Variants in KIRREL3 observed in about 807,000 individuals in gnomAD.
KIRREL3 encodes kin of IRRE-like protein 3.
Under a neutral mutation model 89.7 loss-of-function variants are expected in KIRREL3, and 36 were observed. That is an observed-to-expected ratio of 0.40 (90% CI 0.31 to 0.53). The LOEUF (loss-of-function observed/expected upper bound fraction) is 0.53, where lower values mean the gene tolerates loss of function less well. Among genes scored for constraint, KIRREL3 ranks in the 20% least tolerant of loss-of-function variants. The pLI, the probability that KIRREL3 is intolerant of heterozygous loss-of-function variation, is 0.49. For missense variants in KIRREL3, 864 were observed against 1,056.6 expected (o/e 0.82, Z 2.53); for synonymous variants, 445 against 441.4 (o/e 1.01, Z -0.10).
At position 126,436,716 on chromosome 11, in the gene KIRREL3, G is replaced by A. The variant is rs542830078; in HGVS notation, c.1552+95C>T. 115 of 1,343,420 alleles carry A rather than the reference G, an allele frequency of 8.6e-5. No individual in the cohort carries two copies. The Middle Eastern group carries it at 1.8e-3, about 21-fold the overall frequency. The allele number at this position is 1,343,420 out of a possible 1,614,324, so 83.2% of individuals were successfully genotyped here. ...CACTGTGGCTTGTCCTTGGGCCCTG[G>A]CCCACCTTGCAGCCACCCGCGCCCT... On this transcript the variant is annotated intron_variant, in intron 12 of 16. Coordinates refer to ENST00000525144, the MANE Select transcript of KIRREL3 (RefSeq NM_032531.4).
At position 126,765,368 on chromosome 11, in the gene KIRREL3, T is replaced by A. The variant is rs1325150521; in HGVS notation, c.56-202456A>T. Among the ~76,000 whole-genome samples, 3 of 152,194 alleles carry A rather than the reference T, an allele frequency of 2.0e-5. No individual in the cohort carries two copies. The East Asian group carries it at 5.8e-4, about 29-fold the overall frequency. On this transcript the variant is annotated intron_variant, in intron 1 of 16. Coordinates refer to ENST00000525144, the MANE Select transcript of KIRREL3 (RefSeq NM_032531.4). ...CCCCAACACCACAAAGCTAAGCCTC[T>A]GAGGTGTGTGTGCGGGGAGAAATCT...
In KIRREL3 at chr11:126,877,715, A is replaced by G. The variant is rs1210704266; in HGVS notation, c.55+122740T>C. ...TTGAACAGGGAGAGAACTTAGTTGA[A>G]TTGTAACTAAAATAATTCTGGGCAC... On this transcript the variant is annotated intron_variant, in intron 1 of 16. Transcript: ENST00000525144. The surrounding 1 kb of genome is among the most constrained non-coding windows in gnomAD (Gnocchi z 4.9). Among the ~76,000 whole-genome samples the G allele has an allele frequency of 6.6e-6, 1 of 152,214 alleles. No individual in the cohort carries two copies. The highest frequency in any genetic ancestry group is 2.4e-5 in the African/African-American group (1 of 41,444).
Position 126,981,991 on chromosome 11 carries a change from T to C in KIRREL3, c.55+18464A>G, listed in dbSNP as rs1949735544. 6.6e-6 allele frequency among the ~76,000 whole-genome samples: 1 copy of C among 152,212 alleles called. No individual in the cohort carries two copies. Among genetic ancestry groups the C allele is most frequent in the African/African-American group, 2.4e-5 (1 of 41,456 alleles). ...ATGCAAATATATACAAATTCATCCA[T>C]ATGAAGAAATAAATAGGGGAAGCTC... On this transcript the variant is annotated intron_variant, in intron 1 of 16. Transcript: ENST00000525144. This position sits in a 1 kb window ranked among gnomAD's most constrained non-coding sequence, Gnocchi z 4.2.
In KIRREL3 at chr11:126,684,225, G is replaced by GC. The variant is rs1326172133; in HGVS notation, c.56-121314dup. Among the ~76,000 whole-genome samples, 2 of 152,216 alleles carry GC rather than the reference G, an allele frequency of 1.3e-5. No individual in the cohort carries two copies. Among genetic ancestry groups the GC allele is most frequent in the African/African-American group, 4.8e-5 (2 of 41,458 alleles). ...AGCCGGGCTGGAGGCTGCAGACTCT[G>GC]CCTCTGTGCCCGTTCTGGGAAAGCC... is the stretch of plus-strand genomic sequence containing the variant. On this transcript the variant is annotated intron_variant, in intron 1 of 16. Coordinates refer to ENST00000525144, the MANE Select transcript of KIRREL3 (RefSeq NM_032531.4). This position sits in a 1 kb window ranked among gnomAD's most constrained non-coding sequence, Gnocchi z 4.2.
At chr11:126,825,995 C>T (rs978072337) in intron 1 of KIRREL3, among the ~76,000 whole-genome samples, 1 of 152,176 alleles carries the variant, frequency 6.6e-6, no homozygotes, top group African/African-American at 2.4e-5. Context: ...TTTCTAGTCA[C>T]TCCCCTTCCT....
chr11:126,598,545 A>T (rs1942503756), intron 1 of KIRREL3, among the ~76,000 whole-genome samples: 1 of 152,090 alleles, frequency 6.6e-6, no homozygotes. Context: ...GGGGCTGATG[A>T]CTGGAGCTTC....
At position 126,594,868 on chromosome 11, in the gene KIRREL3, G is replaced by A. The variant is rs1352918525; in HGVS notation, c.56-31956C>T. On this transcript the variant is annotated intron_variant, in intron 1 of 16. Coordinates refer to ENST00000525144, the MANE Select transcript of KIRREL3 (RefSeq NM_032531.4). The surrounding 1 kb of genome is among the most constrained non-coding windows in gnomAD (Gnocchi z 5.0). Reference sequence around the variant, plus strand: ...TCTTTTCTGTTAGCATTTCCGCCACGTGCTTCTCAGCGTTTTGCCCCAGTT... The same window carrying A: ...TCTTTTCTGTTAGCATTTCCGCCACATGCTTCTCAGCGTTTTGCCCCAGTT... Among the ~76,000 whole-genome samples, 4 of 152,332 alleles carry A rather than the reference G, an allele frequency of 2.6e-5. No homozygotes were observed. The highest frequency in any genetic ancestry group is 2.1e-4 in the South Asian group (1 of 4,828).
chr11:126,589,291 C>A (rs534597), intron 1 of KIRREL3, among the ~76,000 whole-genome samples: 1 of 152,218 alleles, frequency 6.6e-6, no homozygotes, highest in African/African-American at 2.4e-5. Context: ...CGTCTGCGTG[C>A]AGGGGAACAG....
rs1940695640 is a variant in KIRREL3 at position 126,568,665 on chromosome 11, G to A, written c.56-5753C>T. On this transcript the variant is annotated intron_variant, in intron 1 of 16. Transcript: ENST00000525144. This position sits in a 1 kb window ranked among gnomAD's most constrained non-coding sequence, Gnocchi z 4.6. ...GTGAGCAACTCTTAGGCTTCTCTGA[G>A]CTTTGGTTTCCTCATTTATAAAACG... 6.6e-6 allele frequency among the ~76,000 whole-genome samples: 1 copy of A among 152,210 alleles called. No homozygotes were observed. Among genetic ancestry groups the A allele is most frequent in the African/African-American group, 2.4e-5 (1 of 41,466 alleles).
chr11:126,929,114 C>T (rs1315044002), intron 1 of KIRREL3, among the ~76,000 whole-genome samples: 2 of 152,210 alleles, frequency 1.3e-5, no homozygotes, highest in Non-Finnish European at 2.9e-5. Flanking sequence ...GAGGACACAT[C>T]TGCCAACTGT....
At chr11:126,437,674 C>G (rs1955408549) in intron 11 of KIRREL3, among the ~76,000 whole-genome samples, 1 of 152,032 alleles carries the variant, frequency 6.6e-6, no homozygotes, top group South Asian at 2.1e-4. Context: ...ACATGGCAGA[C>G]ACGACACCAC....
At chr11:126,536,774 A>C (rs1036578798) in intron 2 of KIRREL3, among the ~76,000 whole-genome samples, 1 of 151,222 alleles carries the variant, frequency 6.6e-6, no homozygotes, top group Non-Finnish European at 1.5e-5. Context: ...CCTCCAAAGT[A>C]GCCGAGACTA....
Position 126,535,854 on chromosome 11 carries a change from G to A in KIRREL3, c.134-9167C>T, listed in dbSNP as rs1406220415. On this transcript the variant is annotated intron_variant, in intron 2 of 16. Transcript: ENST00000525144. The surrounding 1 kb of genome is among the most constrained non-coding windows in gnomAD (Gnocchi z 4.5). ...ACAAAAATTAGCGGGACATGGTGGT[G>A]CGTGCCTGTAATCCCAGCTACTCAG... 6.6e-6 allele frequency among the ~76,000 whole-genome samples: 1 copy of A among 152,184 alleles called. No homozygotes were observed. Among genetic ancestry groups the A allele is most frequent in the Non-Finnish European group, 1.5e-5 (1 of 68,042 alleles).
At position 126,990,919 on chromosome 11, in the gene KIRREL3, A is replaced by G. The variant is rs192903149; in HGVS notation, c.55+9536T>C. 1.4e-3 allele frequency among the ~76,000 whole-genome samples: 208 copies of G among 152,224 alleles called. 1 individual carries two copies. The highest frequency in any genetic ancestry group is 2.4e-3 in the Non-Finnish European group (161 of 67,996). On this transcript the variant is annotated intron_variant, in intron 1 of 16. Coordinates refer to ENST00000525144, the MANE Select transcript of KIRREL3 (RefSeq NM_032531.4). The surrounding 1 kb of genome is among the most constrained non-coding windows in gnomAD (Gnocchi z 6.3). ...CCTGCCACTCCCGGATGAACGTGCT[A>G]AGCTTCCTGTGCAATGAACCAACCG...
At position 126,492,468 on chromosome 11, in the gene KIRREL3, C is replaced by T. The variant is rs191490257; in HGVS notation, c.434-19002G>A. On this transcript the variant is annotated intron_variant, in intron 4 of 16. Coordinates refer to ENST00000525144, the MANE Select transcript of KIRREL3 (RefSeq NM_032531.4). The surrounding 1 kb of genome is among the most constrained non-coding windows in gnomAD (Gnocchi z 4.8). ...GTTACTTCCCTGCTCCCAGTTAGCC[C>T]CTGTCCGTCCAGTTCTGAGAGGTGT... Among the ~76,000 whole-genome samples, 10 of 152,222 alleles carry T rather than the reference C, an allele frequency of 6.6e-5. No homozygotes were observed. In the East Asian group the frequency reaches 1.4e-3, roughly 21 times the overall value.
chr11:126,581,353 C>A (rs187419359), intron 1 of KIRREL3, among the ~76,000 whole-genome samples: 7 of 152,160 alleles, frequency 4.6e-5, no homozygotes, highest in Admixed American at 4.6e-4. Flanking sequence ...CAGGCACCCG[C>A]CATCATGCCT....
rs1164209819 is a variant in KIRREL3 at position 126,772,823 on chromosome 11, C to T, written c.56-209911G>A. 6.6e-6 allele frequency among the ~76,000 whole-genome samples: 1 copy of T among 152,154 alleles called. No homozygotes were observed. Among genetic ancestry groups the T allele is most frequent in the South Asian group, 2.1e-4 (1 of 4,824 alleles). On this transcript the variant is annotated intron_variant, in intron 1 of 16. Coordinates refer to ENST00000525144, the MANE Select transcript of KIRREL3 (RefSeq NM_032531.4). This position sits in a 1 kb window ranked among gnomAD's most constrained non-coding sequence, Gnocchi z 4.6. ...CTGATTCCTTGGTTTTGAGCCTTTGCCCCTAATGCCAGCACCATACCTACT... is the reference window on the plus strand; with the variant it reads ...CTGATTCCTTGGTTTTGAGCCTTTGTCCCTAATGCCAGCACCATACCTACT...
chr11:126,536,896 T>C (rs1197466174), intron 2 of KIRREL3, among the ~76,000 whole-genome samples: 7 of 152,124 alleles, frequency 4.6e-5, no homozygotes, highest in Admixed American at 2.0e-4. Context: ...CTTCCCACTC[T>C]CAGCATCCCA....
At position 126,496,783 on chromosome 11, in the gene KIRREL3, G is replaced by A. The variant is rs916273647; in HGVS notation, c.434-23317C>T. 6.6e-6 allele frequency among the ~76,000 whole-genome samples: 1 copy of A among 152,166 alleles called. No homozygotes were observed. The highest frequency in any genetic ancestry group is 1.5e-5 in the Non-Finnish European group (1 of 68,040). On this transcript the variant is annotated intron_variant, in intron 4 of 16. Coordinates refer to ENST00000525144, the MANE Select transcript of KIRREL3 (RefSeq NM_032531.4). The surrounding 1 kb of genome is among the most constrained non-coding windows in gnomAD (Gnocchi z 4.9). The stretch of plus-strand genomic sequence containing the variant: ...AGGCTGTAGGCAGGGAGTCAGGGCT[G>A]GGGAAGCTGGGCTCAGCCAGGGGAC...
Sources: allele counts gnomAD v4.1 joint callset (sites outside exome capture counted in the v4.1 genomes callset), GRCh38; gene constraint gnomAD v4.1.1; non-coding constraint Gnocchi (gnomAD v3.1); transcripts MANE v1.5; gene names NCBI Gene and HGNC (gene_info 2026-07-23, HGNC 2026-07-21).